POU2AF1: variants seen among roughly 807,000 people sequenced by gnomAD.
POU2AF1 encodes the protein POU class 2 homeobox associating factor 1.
In POU2AF1, 12 loss-of-function variants were observed where a neutral mutation model predicts 26.3. That is an observed-to-expected ratio of 0.46 (90% CI 0.29 to 0.74). The LOEUF (loss-of-function observed/expected upper bound fraction) is 0.74, where lower values mean the gene tolerates loss of function less well. POU2AF1 is among the 30% of genes least tolerant of loss of function. The probability of loss-of-function intolerance (pLI) is 0.09; values close to 1 mark genes in which losing one functional copy is unlikely to be tolerated. For missense variants in POU2AF1, 297 were observed against 334.5 expected (o/e 0.89, Z 0.87); for synonymous variants, 175 against 148.0 (o/e 1.18, Z -1.32).
chr11:111,366,295 A>G (rs1367371689), intron 1 of POU2AF1, among the ~76,000 whole-genome samples: 1 of 152,244 alleles, frequency 6.6e-6, no homozygotes, highest in African/African-American at 2.4e-5. Context: ...CACATCACTC[A>G]TATATCCTGC....
intron 4 of POU2AF1, among the ~76,000 whole-genome samples, chr11:111,356,393 GC>G (rs1860846583): frequency 6.6e-6 from 1 of 152,226 alleles, no homozygotes; most frequent in Non-Finnish European, 1.5e-5. Flanking sequence ...CATAGAAGGT[GC>G]TTGGAGGCAG....
At chr11:111,362,094 G>A (rs573030118) in intron 1 of POU2AF1, among the ~76,000 whole-genome samples, 80 of 152,262 alleles carry the variant, frequency 5.3e-4, no homozygotes, top group African/African-American at 1.7e-3. Flanking sequence ...ACGTGTCAGC[G>A]AACAGGGCAC....
At position 111,367,084 on chromosome 11, in the gene POU2AF1, G is replaced by A. The variant is rs569617804; in HGVS notation, c.17-8166C>T. On this transcript the variant is annotated intron_variant, in intron 1 of 4. Transcript: ENST00000393067. ...AGGGGCAGCCAAAGGCCTTGAGTGC[G>A]AGAGGTTTCCACGTGGCAGTGGCCC... Among the ~76,000 whole-genome samples the A allele has an allele frequency of 3.3e-5, 5 of 152,316 alleles. No homozygotes were observed. The East Asian group carries it at 5.8e-4, about 18-fold the overall frequency.
rs1489074640 is a variant in POU2AF1, at chr11:111,358,657, CTCTA to C, written c.147+127_147+130del. On this transcript the variant is annotated intron_variant, in intron 2 of 4. Coordinates refer to ENST00000393067, the MANE Select transcript of POU2AF1 (RefSeq NM_006235.3). ...TCTCACACTATCACACTCTCACACA[CTCTA>C]TCACACACAAACACATACACACACG... 1.9e-4 allele frequency: 218 copies of C among 1,140,932 alleles called. No individual in the cohort carries two copies. The African/African-American group carries it at 3.2e-3, about 17-fold the overall frequency. The allele number at this position is 1,140,932 out of a possible 1,614,324, so 70.7% of individuals were successfully genotyped here.
At chr11:111,372,900 T>G (rs562738549) in intron 1 of POU2AF1, among the ~76,000 whole-genome samples, 51 of 152,310 alleles carry the variant, frequency 3.3e-4, no homozygotes, top group African/African-American at 1.1e-3. Flanking sequence ...CTTTTTCTTC[T>G]TCTTGCTTGT....
At chr11:111,358,583 C>T (rs940133158) in intron 2 of POU2AF1, among the ~76,000 whole-genome samples, 1 of 128,516 alleles carries the variant, frequency 7.8e-6, no homozygotes, top group African/African-American at 2.6e-5. Flanking sequence ...CACTCACACT[C>T]CCTCACACAC....
intron 1 of POU2AF1, chr11:111,363,742 TC>T: frequency 1.2e-6 from 1 of 858,250 alleles, no homozygotes; most frequent in Non-Finnish European, 1.4e-6. Context: ...AAGCCCAATT[TC>T]CCACAGTAGA....
Position 111,376,490 on chromosome 11 carries a change from G to T in POU2AF1, c.16+2672C>A, listed in dbSNP as rs190176281. ...AAGCAAATCTCAAATCCATTGGTTG[G>T]GGCTTGAAGATTTCTACTTCTCTGT... On this transcript the variant is annotated intron_variant, in intron 1 of 4. Transcript: ENST00000393067. Among the ~76,000 whole-genome samples, 271 of 152,224 alleles carry T rather than the reference G, an allele frequency of 1.8e-3. 3 individuals carry two copies. Among genetic ancestry groups the T allele is most frequent in the Admixed American group, 0.015 (222 of 15,292 alleles).
At chr11:111,377,060 G>A (rs1861321936) in intron 1 of POU2AF1, among the ~76,000 whole-genome samples, 1 of 152,114 alleles carries the variant, frequency 6.6e-6, no homozygotes, top group East Asian at 1.9e-4. Flanking sequence ...CAGGGTGTGA[G>A]CAGGAAGCAT....
At chr11:111,372,090 ATG>A (rs1861224898) in intron 1 of POU2AF1, among the ~76,000 whole-genome samples, 1 of 140,838 alleles carries the variant, frequency 7.1e-6, no homozygotes, top group Non-Finnish European at 1.6e-5. Context: ...AGAGAGAGAG[ATG>A]AAGGAGCAGC....
Position 111,358,831 on chromosome 11 carries a change from T to C in POU2AF1, c.104A>G (p.Lys35Arg), listed in dbSNP as rs775592035. Residue 35 changes from lysine (K) to arginine (R), a missense_variant, in exon 2 of 5, where the codon AAG becomes AGG. Physicochemically the swap from Lys to Arg is conservative, Grantham distance 26. Transcript: ENST00000393067. Reference protein sequence around the residue: ...KEPVKELLRRKRGHASSGAAP... With the variant: ...KEPVKELLRRRRGHASSGAAP... ...TGCCCCACTGCTGGCGTGGCCTCGC[T>C]TCCTCCTCAGCAGTTCCTTCACTGG... 4 of 1,608,532 alleles carry C rather than the reference T, an allele frequency of 2.5e-6. No homozygotes were observed. The highest frequency in any genetic ancestry group is 2.5e-6 in the Non-Finnish European group (3 of 1,179,780).
At position 111,362,992 on chromosome 11, in the gene POU2AF1, C is replaced by T. The variant is rs528768631; in HGVS notation, c.17-4074G>A. Reference sequence around the variant, plus strand: ...CTGGAAAGGGACCAGCTGGCCACTTCCAGGATCTTGTCAAGAGAGGGCTTC... The same window carrying T: ...CTGGAAAGGGACCAGCTGGCCACTTTCAGGATCTTGTCAAGAGAGGGCTTC... On this transcript the variant is annotated intron_variant, in intron 1 of 4. Coordinates refer to ENST00000393067, the MANE Select transcript of POU2AF1 (RefSeq NM_006235.3). 1.7e-3 allele frequency: 591 copies of T among 357,808 alleles called. 1 individual carries two copies. Among genetic ancestry groups the T allele is most frequent in the Admixed American group, 2.5e-3 (39 of 15,682 alleles). 22.2% of individuals were successfully genotyped at this position (357,808 alleles called of 1,614,324 possible). A position where few individuals can be genotyped will look rare whatever the true frequency, so the allele number is the denominator to read the frequency against.
chr11:111,379,144 C>T lies in POU2AF1; in HGVS notation c.16+18G>A. 1 of 1,614,072 alleles carries T rather than the reference C, an allele frequency of 6.2e-7. No individual in the cohort carries two copies. Among genetic ancestry groups the T allele is most frequent in the Non-Finnish European group, 8.5e-7 (1 of 1,179,988 alleles). ...CTGGCACTCGCTTGGGTCTGACAGC[C>T]ACAGCCAAACCACTTACGTTTTTGC... On this transcript the variant is annotated intron_variant, in intron 1 of 4. Transcript: ENST00000393067.
Position 111,353,664 on chromosome 11 carries a change from C to T in POU2AF1, c.*597G>A, listed in dbSNP as rs941667563. 8.5e-6 allele frequency: 2 copies of T among 234,032 alleles called. No individual in the cohort carries two copies. The highest frequency in any genetic ancestry group is 6.0e-5 in the East Asian group (1 of 16,616). The allele number at this position is 234,032 out of a possible 1,614,324, so 14.5% of individuals were successfully genotyped here. ...GTGCTGTCGGGGCTGGTCTTCCCGC[C>T]GGCCACCACATACATCTTAAAATTA... On this transcript the variant is annotated 3_prime_UTR_variant, in exon 5 of 5. Coordinates refer to ENST00000393067, the MANE Select transcript of POU2AF1 (RefSeq NM_006235.3).
chr11:111,358,644 A>G, intron 2 of POU2AF1, 144 bp downstream of exon 2: 1 of 1,028,060 alleles, frequency 9.7e-7, no homozygotes. Flanking sequence ...TCACACTATC[A>G]CACTCTCACA....
At chr11:111,366,808 G>C (rs963063338) in intron 1 of POU2AF1, among the ~76,000 whole-genome samples, 12 of 152,144 alleles carry the variant, frequency 7.9e-5, no homozygotes, top group Admixed American at 7.9e-4. Flanking sequence ...TAGAGCCACA[G>C]AGCCCCAGAC....
intron 1 of POU2AF1, among the ~76,000 whole-genome samples, chr11:111,372,017 AACACACACAAATAC>A (rs1861217875): frequency 7.7e-6 from 1 of 129,432 alleles, no homozygotes; most frequent in Admixed American, 7.9e-5. Flanking sequence ...ACCCCACCTA[AACACACACAAATAC>A]ACACACACAC....
chr11:111,354,633 T>A (rs1290390477), intron 4 of POU2AF1, 58 bp from the exon 5 acceptor site: 1 of 1,413,112 alleles, frequency 7.1e-7, no homozygotes, highest in Non-Finnish European at 9.4e-7. Flanking sequence ...CATCCACCCA[T>A]CCTTGCCCTT....
chr11:111,363,382 C>T lies in POU2AF1; in HGVS notation c.17-4464G>A, dbSNP rs146832937. The T allele has an allele frequency of 5.5e-3, 5,600 of 1,019,006 alleles. 17 individuals carry two copies. The highest frequency in any genetic ancestry group is 6.1e-3 in the Non-Finnish European group (5,142 of 849,630). The allele number at this position is 1,019,006 out of a possible 1,614,324, so 63.1% of individuals were successfully genotyped here. On this transcript the variant is annotated intron_variant, in intron 1 of 4. Coordinates refer to ENST00000393067, the MANE Select transcript of POU2AF1 (RefSeq NM_006235.3). ...TCAAGACGATTCCAAAGGAGCCCAA[C>T]GGCCAAGTGTTTTTGCAAGTTGAAA...
Sources: allele counts gnomAD v4.1 joint callset (sites outside exome capture counted in the v4.1 genomes callset), GRCh38; gene constraint gnomAD v4.1.1; transcripts MANE v1.5; gene names NCBI Gene and HGNC (gene_info 2026-07-23, HGNC 2026-07-21).